The following TENM2 variants were observed in gnomAD, a reference collection of about 807,000 sequenced individuals.
TENM2 encodes the protein teneurin-2.
TENM2 carries 52 observed loss-of-function variants against 245.2 expected under a neutral mutation model. That is an observed-to-expected ratio of 0.21 (90% confidence interval 0.17 to 0.27). The LOEUF (loss-of-function observed/expected upper bound fraction) is 0.27. Ranked by LOEUF, TENM2 falls within the 10% of genes least tolerant of loss-of-function variation. The probability of loss-of-function intolerance (pLI) is 1.00; values close to 1 mark genes in which losing one functional copy is unlikely to be tolerated. For missense variants in TENM2, 3,046 were observed against 3,666.8 expected, an observed-to-expected ratio of 0.83 and a Z score of 4.37; for synonymous variants, 1,363 against 1,438.9, an observed-to-expected ratio of 0.95 and a Z score of 1.19.
the TENM2 span, among the ~76,000 whole-genome samples, chr5:167,180,103 CTTTTT>C: frequency 1.7e-5 from 2 of 114,976 alleles, no homozygotes; most frequent in African/African-American, 4.2e-5. Context: ...TAAGTGCTTC[CTTTTT>C]TTTTTTTTTT....
intron 2 of TENM2, among the ~76,000 whole-genome samples, chr5:167,796,864 T>C (rs1765359054): frequency 6.6e-6 from 1 of 152,186 alleles, no homozygotes. Context: ...TAGCTGGCTT[T>C]CAAAGTCCTG....
chr5:168,190,381 G>T, exon 14 of TENM2: 1 of 1,613,926 alleles, frequency 6.2e-7, no homozygotes, highest in East Asian at 2.2e-5. Flanking sequence ...CCTGCAGTCA[G>T]CCTGTCAGAA....
At chr5:167,820,427 C>T (rs935939364) in intron 2 of TENM2, among the ~76,000 whole-genome samples, 12 of 152,186 alleles carry the variant, frequency 7.9e-5, no homozygotes, top group African/African-American at 2.7e-4. Context: ...AAGCTCCCGG[C>T]TCCCGGCACA....
intron 3 of TENM2, among the ~76,000 whole-genome samples, chr5:167,932,088 C>G (rs139548592): frequency 1.3e-5 from 2 of 152,272 alleles, no homozygotes; most frequent in Admixed American, 1.3e-4. Context: ...AGTTGTAAGT[C>G]GGGAGTCTGA....
chr5:167,367,042 C>G (rs1247933961), intron 1 of TENM2, among the ~76,000 whole-genome samples: 1 of 152,068 alleles, frequency 6.6e-6, no homozygotes, highest in African/African-American at 2.4e-5. Flanking sequence ...TTGGGTTTTC[C>G]AAATTGGGCT....
At chr5:167,434,284 G>A (rs999533028) in intron 2 of TENM2, among the ~76,000 whole-genome samples, 3 of 151,578 alleles carry the variant, frequency 2.0e-5, no homozygotes, top group African/African-American at 7.3e-5. Flanking sequence ...AGCTGGATAT[G>A]GTGGCAGGTG....
At chr5:167,777,608 C>A (rs570670183) in intron 2 of TENM2, among the ~76,000 whole-genome samples, 1 of 152,042 alleles carries the variant, frequency 6.6e-6, no homozygotes, top group Non-Finnish European at 1.5e-5. Context: ...ATAGTGTCCC[C>A]GTTTGTATAA....
the TENM2 span, among the ~76,000 whole-genome samples, chr5:167,019,171 C>G: frequency 6.6e-6 from 1 of 152,204 alleles, no homozygotes; most frequent in African/African-American, 2.4e-5. Flanking sequence ...ATCCGTCCAT[C>G]CATCCATCTG....
chr5:167,150,342 C>T, the TENM2 span, among the ~76,000 whole-genome samples: 3 of 152,068 alleles, frequency 2.0e-5, no homozygotes, highest in African/African-American at 7.2e-5. Flanking sequence ...AAGCTTGTTT[C>T]CGTTAGTCCA....
At chr5:167,327,381 C>T (rs1413311200) in intron 1 of TENM2, among the ~76,000 whole-genome samples, 2 of 152,204 alleles carry the variant, frequency 1.3e-5, no homozygotes, top group African/African-American at 4.8e-5. Flanking sequence ...GTGAACAAAA[C>T]ATGCCTGGCT....
chr5:167,969,966 T>A (rs1455859006), intron 4 of TENM2, among the ~76,000 whole-genome samples: 1 of 152,090 alleles, frequency 6.6e-6, no homozygotes, highest in Non-Finnish European at 1.5e-5. Context: ...ATCGTGCTAT[T>A]AGGAGACCCT....
chr5:167,087,591 A>G, the TENM2 span, among the ~76,000 whole-genome samples: 527 of 152,310 alleles, frequency 3.5e-3, 3 homozygotes, highest in African/African-American at 0.012. Context: ...AGTACCTTGC[A>G]TACAATAGGT....
At chr5:167,801,802 G>A (rs1432241319) in intron 2 of TENM2, among the ~76,000 whole-genome samples, 2 of 151,918 alleles carry the variant, frequency 1.3e-5, no homozygotes, top group Non-Finnish European at 2.9e-5. Flanking sequence ...GAACTGGGTG[G>A]GGCCAATAGG....
intron 5 of TENM2, among the ~76,000 whole-genome samples, chr5:168,013,947 A>G (rs1348991301): frequency 1.3e-5 from 2 of 152,200 alleles, no homozygotes; most frequent in Non-Finnish European, 2.9e-5. Flanking sequence ...CCAGTTTTAC[A>G]TGATATTCTG....
chr5:167,787,901 C>T (rs983312126), intron 2 of TENM2, among the ~76,000 whole-genome samples: 3 of 152,228 alleles, frequency 2.0e-5, no homozygotes, highest in Non-Finnish European at 4.4e-5. Flanking sequence ...GAGCTGAGAT[C>T]ATAGCATAGA....
At chr5:168,014,006 A>G (rs1329108324) in intron 5 of TENM2, among the ~76,000 whole-genome samples, 1 of 152,176 alleles carries the variant, frequency 6.6e-6, no homozygotes, top group Non-Finnish European at 1.5e-5. Flanking sequence ...ATTTATAAGG[A>G]CACCATTCAT....
the TENM2 span, among the ~76,000 whole-genome samples, chr5:166,995,878 A>G: frequency 6.6e-6 from 1 of 151,608 alleles, no homozygotes; most frequent in Non-Finnish European, 1.5e-5. Context: ...ATTGTCACAA[A>G]TAAGATGGAC....
chr5:167,474,478 A>G (rs1027705086), intron 2 of TENM2, among the ~76,000 whole-genome samples: 3 of 151,208 alleles, frequency 2.0e-5, no homozygotes, highest in Non-Finnish European at 4.4e-5. Context: ...ACTAATCTCC[A>G]TGGTAGGTTT....
the TENM2 span, among the ~76,000 whole-genome samples, chr5:167,134,730 C>G: frequency 0.17 from 26,303 of 152,146 alleles, 3,412 homozygotes; most frequent in African/African-American, 0.36. Context: ...TGGACAGAGC[C>G]ATTACCAGTT....
Sources: allele counts gnomAD v4.1 joint callset (sites outside exome capture counted in the v4.1 genomes callset), GRCh38; gene constraint gnomAD v4.1.1; transcripts MANE v1.5; gene names NCBI Gene and HGNC (gene_info 2026-07-23, HGNC 2026-07-21).